The following FAM83F variants were observed in gnomAD, a reference collection of about 807,000 sequenced individuals.
FAM83F encodes the protein protein FAM83F.
FAM83F carries 45 observed loss-of-function variants against 42.9 expected under a neutral mutation model. That is an observed-to-expected ratio of 1.05 (90% confidence interval 0.83 to 1.35). FAM83F has a LOEUF of 1.35. Ranked by LOEUF, FAM83F falls within the 40% of genes most tolerant of loss-of-function variation. The probability of loss-of-function intolerance (pLI) is 0.00; values close to 1 mark genes in which losing one functional copy is unlikely to be tolerated. For synonymous variants in FAM83F, 306 were observed against 298.3 expected, an observed-to-expected ratio of 1.03 and a Z score of -0.27; for missense variants, 617 against 695.9, an observed-to-expected ratio of 0.89 and a Z score of 1.28.
Position 40,031,039 on chromosome 22 carries a change from G to A in FAM83F, c.*1474G>A. 1 of 152,418 alleles carries A rather than the reference G, an allele frequency of 6.6e-6. No homozygotes were observed. Among genetic ancestry groups the A allele is most frequent in the Non-Finnish European group, 1.5e-5 (1 of 68,114 alleles). The allele number at this position is 152,418 out of a possible 1,614,324, so 9.4% of individuals were successfully genotyped here. On this transcript the variant is annotated 3_prime_UTR_variant, in exon 5 of 5. Transcript: ENST00000333407. ...CCATTGAGGAGATGCAATCTCTCTG[G>A]CAGTGGGGAGGGGAAGGGAAAGGAA...
At chr22:40,012,257 C>T (rs918859359) in intron 1 of FAM83F, among the ~76,000 whole-genome samples, 3 of 151,978 alleles carry the variant, frequency 2.0e-5, no homozygotes, top group Non-Finnish European at 4.4e-5. Flanking sequence ...GCCTCAGCCT[C>T]CCGAGTAGCT....
intron 1 of FAM83F, among the ~76,000 whole-genome samples, chr22:40,007,123 C>G (rs1251102437): frequency 1.3e-5 from 2 of 151,418 alleles, no homozygotes; most frequent in South Asian, 2.1e-4. Flanking sequence ...ACTGTTGGAT[C>G]GATGTGAATC....
Position 39,995,011 on chromosome 22 carries a change from G to T in FAM83F, c.-32G>T. 1 of 1,237,744 alleles carries T rather than the reference G, an allele frequency of 8.1e-7. No homozygotes were observed. Among genetic ancestry groups the T allele is most frequent in the Non-Finnish European group, 1.0e-6 (1 of 991,682 alleles). 76.7% of individuals were successfully genotyped at this position (1,237,744 alleles called of 1,614,324 possible). A position where few individuals can be genotyped will look rare whatever the true frequency, so the allele number is the denominator to read the frequency against. On this transcript the variant is annotated 5_prime_UTR_variant, in exon 1 of 5. Coordinates refer to ENST00000333407, the MANE Select transcript of FAM83F (RefSeq NM_138435.4). The surrounding 1 kb of genome is among the most constrained non-coding windows in gnomAD (Gnocchi z 4.6). ...TGGGACCTCGGACCGCGGCGGGGCC[G>T]GGGCCAGGGCCGGGGCCGGGGCCGG...
chr22:39,995,013 G>A lies in FAM83F; in HGVS notation c.-30G>A. The A allele has an allele frequency of 8.0e-7, 1 of 1,250,650 alleles. No homozygotes were observed. The highest frequency in any genetic ancestry group is 3.2e-5 in the South Asian group (1 of 30,782). 77.5% of individuals were successfully genotyped at this position (1,250,650 alleles called of 1,614,324 possible). A position where few individuals can be genotyped will look rare whatever the true frequency, so the allele number is the denominator to read the frequency against. On this transcript the variant is annotated 5_prime_UTR_variant, in exon 1 of 5. Transcript: ENST00000333407. This position sits in a 1 kb window ranked among gnomAD's most constrained non-coding sequence, Gnocchi z 4.6. The stretch of plus-strand genomic sequence containing the variant: ...GGACCTCGGACCGCGGCGGGGCCGG[G>A]GCCAGGGCCGGGGCCGGGGCCGGGG...
chr22:40,006,005 C>T (rs1355364400), intron 1 of FAM83F, among the ~76,000 whole-genome samples: 3 of 152,224 alleles, frequency 2.0e-5, no homozygotes, highest in East Asian at 1.9e-4. Context: ...TGTGGGAGGC[C>T]GAGGCGGGCA....
At chr22:40,025,012 G>A (rs1268573486) in intron 4 of FAM83F, among the ~76,000 whole-genome samples, 2 of 152,052 alleles carry the variant, frequency 1.3e-5, no homozygotes, top group Admixed American at 6.5e-5. Context: ...CTCCGCCCTC[G>A]CCTCCTGCTG....
In FAM83F at chr22:40,021,546, C is replaced by A. The variant is rs145428025; in HGVS notation, c.1036C>A (p.Arg346=). 10 of 1,563,750 alleles carry A rather than the reference C, an allele frequency of 6.4e-6. No individual in the cohort carries two copies. Among genetic ancestry groups the A allele is most frequent in the Non-Finnish European group, 8.7e-7 (1 of 1,150,000 alleles). The change falls in exon 4 of 5, where the codon CGG becomes AGG. Residue 346 remains arginine (R), a synonymous_variant. Transcript: ENST00000333407. This position sits in a 1 kb window ranked among gnomAD's most constrained non-coding sequence, Gnocchi z 8.7. The stretch of plus-strand genomic sequence containing the variant: ...TGGGGAGATGATGCGCTGGGCTGCC[C>A]GGCAACAGCGGGAGGCGGGCGGCAA... ...PPGEMMRWAA[R]QQREAGGNPE...
At chr22:40,000,199 T>C (rs1436666340) in intron 1 of FAM83F, among the ~76,000 whole-genome samples, 1 of 152,164 alleles carries the variant, frequency 6.6e-6, no homozygotes, top group Non-Finnish European at 1.5e-5. Context: ...ATCTACATCG[T>C]AACAAGCTGG....
intron 1 of FAM83F, among the ~76,000 whole-genome samples, chr22:40,006,852 C>T (rs2067432037): frequency 6.6e-6 from 1 of 152,074 alleles, no homozygotes. Context: ...GTCAGGGCAG[C>T]GTGAACTAGC....
chr22:40,009,148 A>G lies in FAM83F; in HGVS notation c.490-10020A>G, dbSNP rs367696965. ...TTCCAACAGCCCTTGGGAGGCAGGC[A>G]GGGCAGGTGTGGGAGGCGACTCGGC... On this transcript the variant is annotated intron_variant, in intron 1 of 4. Coordinates refer to ENST00000333407, the MANE Select transcript of FAM83F (RefSeq NM_138435.4). Among the ~76,000 whole-genome samples the G allele has an allele frequency of 3.3e-5, 5 of 152,220 alleles. No homozygotes were observed. The East Asian group carries it at 5.8e-4, about 18-fold the overall frequency.
intron 1 of FAM83F, among the ~76,000 whole-genome samples, chr22:40,017,480 G>A (rs933625562): frequency 5.9e-5 from 9 of 151,920 alleles, no homozygotes; most frequent in Non-Finnish European, 1.3e-4. Context: ...TGATTCACCC[G>A]CCTCAGCCTC....
intron 4 of FAM83F, 27 bp from the exon 5 acceptor site, chr22:40,029,489 C>T (rs774940390): frequency 3.1e-6 from 5 of 1,603,456 alleles, no homozygotes; most frequent in Non-Finnish European, 4.3e-6. Context: ...TTACATCCTT[C>T]CCCGCCTCTG....
At chr22:40,015,061 G>A (rs2067486318) in intron 1 of FAM83F, among the ~76,000 whole-genome samples, 1 of 152,204 alleles carries the variant, frequency 6.6e-6, no homozygotes. Flanking sequence ...CAGAGAAACA[G>A]AACCAACTGG....
chr22:39,995,063 C>T lies in FAM83F; in HGVS notation c.21C>T (p.Asn7=). 1 of 1,323,482 alleles carries T rather than the reference C, an allele frequency of 7.6e-7. No homozygotes were observed. 82.0% of individuals were successfully genotyped at this position (1,323,482 alleles called of 1,614,324 possible). The change falls in exon 1 of 5, where the codon AAC becomes AAT. Residue 7 remains asparagine (N), a synonymous_variant. Coordinates refer to ENST00000333407, the MANE Select transcript of FAM83F (RefSeq NM_138435.4). The surrounding 1 kb of genome is among the most constrained non-coding windows in gnomAD (Gnocchi z 4.6). MAESQL[N]CLDEAHVNEK... ...GCGCCATGGCCGAGTCCCAGCTGAACTGCCTGGACGAGGCGCACGTGAACG... is the reference window on the plus strand; with the variant it reads ...GCGCCATGGCCGAGTCCCAGCTGAATTGCCTGGACGAGGCGCACGTGAACG...
Position 39,995,613 on chromosome 22 carries a change from C to T in FAM83F, c.489+82C>T. 1 of 1,441,928 alleles carries T rather than the reference C, an allele frequency of 6.9e-7. No individual in the cohort carries two copies. The highest frequency in any genetic ancestry group is 9.1e-7 in the Non-Finnish European group (1 of 1,098,170). The allele number at this position is 1,441,928 out of a possible 1,614,324, so 89.3% of individuals were successfully genotyped here. A position where few individuals can be genotyped will look rare whatever the true frequency, so the allele number is the denominator to read the frequency against. On this transcript the variant is annotated intron_variant, in intron 1 of 4. Coordinates refer to ENST00000333407, the MANE Select transcript of FAM83F (RefSeq NM_138435.4). The surrounding 1 kb of genome is among the most constrained non-coding windows in gnomAD (Gnocchi z 4.6). ...CGGGCCCCACCTCCCAGGCAGGGCC[C>T]GGGGCAGGCCGCCCTGAGCACCCTC...
rs967856270 is a variant in FAM83F, at chr22:40,031,002, C to T, written c.*1437C>T. Reference sequence around the variant, plus strand: ...TTCTGAGGAAGCAGGAAGTGGGGACCACATGTGGCGGCCATTGAGGAGATG... The same window carrying T: ...TTCTGAGGAAGCAGGAAGTGGGGACTACATGTGGCGGCCATTGAGGAGATG... On this transcript the variant is annotated 3_prime_UTR_variant, in exon 5 of 5. Coordinates refer to ENST00000333407, the MANE Select transcript of FAM83F (RefSeq NM_138435.4). 6.6e-6 allele frequency: 1 copy of T among 152,032 alleles called. No homozygotes were observed. Among genetic ancestry groups the T allele is most frequent in the Non-Finnish European group, 1.5e-5 (1 of 68,052 alleles). The allele number at this position is 152,032 out of a possible 1,614,324, so 9.4% of individuals were successfully genotyped here. A position where few individuals can be genotyped will look rare whatever the true frequency, so the allele number is the denominator to read the frequency against.
Position 40,029,731 on chromosome 22 carries a change from G to C in FAM83F, c.*166G>C. On this transcript the variant is annotated 3_prime_UTR_variant, in exon 5 of 5. Coordinates refer to ENST00000333407, the MANE Select transcript of FAM83F (RefSeq NM_138435.4). ...AGGGACGCTGGATCCCAAATGAGAG[G>C]GTCCGAAGCATCTCAGTCACACGCC... 1.0e-6 allele frequency: 1 copy of C among 1,002,578 alleles called. No individual in the cohort carries two copies. The highest frequency in any genetic ancestry group is 1.7e-5 in the South Asian group (1 of 58,950). 62.1% of individuals were successfully genotyped at this position (1,002,578 alleles called of 1,614,324 possible). A position where few individuals can be genotyped will look rare whatever the true frequency, so the allele number is the denominator to read the frequency against.
chr22:40,024,525 T>C (rs886221926), intron 4 of FAM83F, among the ~76,000 whole-genome samples: 2 of 152,148 alleles, frequency 1.3e-5, no homozygotes, highest in African/African-American at 4.8e-5. Context: ...CTTCCCCTGG[T>C]AAATGTTCAG....
chr22:40,010,289 C>T (rs1315535569), intron 1 of FAM83F, among the ~76,000 whole-genome samples: 1 of 152,148 alleles, frequency 6.6e-6, no homozygotes, highest in Non-Finnish European at 1.5e-5. Flanking sequence ...ATCACGTGCT[C>T]AGTGAAAGAC....
Sources: allele counts gnomAD v4.1 joint callset (sites outside exome capture counted in the v4.1 genomes callset), GRCh38; gene constraint gnomAD v4.1.1; non-coding constraint Gnocchi (gnomAD v3.1); transcripts MANE v1.5; gene names NCBI Gene and HGNC (gene_info 2026-07-23, HGNC 2026-07-21).